The following NRXN3 variants were observed in gnomAD, a reference collection of about 807,000 sequenced individuals.
NRXN3 encodes the protein neurexin III.
A neutral mutation model predicts 137.6 loss-of-function variants in NRXN3; 32 were observed. That is an observed-to-expected ratio of 0.23 (90% CI 0.18 to 0.31). NRXN3 has a LOEUF of 0.31. NRXN3 is among the 10% of genes least tolerant of loss of function. The pLI, the probability that NRXN3 is intolerant of heterozygous loss-of-function variation, is 1.00. For synonymous variants in NRXN3, 798 were observed against 784.5 expected, an observed-to-expected ratio of 1.02 and a Z score of -0.29; for missense variants, 1,574 against 2,062.5, an observed-to-expected ratio of 0.76 and a Z score of 4.59.
intron 1 of NRXN3, among the ~76,000 whole-genome samples, chr14:78,219,535 T>C (rs2063620770): frequency 6.6e-6 from 1 of 152,232 alleles, no homozygotes; most frequent in African/African-American, 2.4e-5. Flanking sequence ...GCCCTGCCTC[T>C]TAGCTGTGTG....
At chr14:79,262,654 T>G (rs1219095966) in intron 15 of NRXN3, among the ~76,000 whole-genome samples, 1 of 152,184 alleles carries the variant, frequency 6.6e-6, no homozygotes, top group Non-Finnish European at 1.5e-5. Context: ...AATGTTGAAG[T>G]GCATATTTAT....
chr14:78,346,074 C>T (rs60262994), intron 4 of NRXN3, among the ~76,000 whole-genome samples: 5,467 of 152,258 alleles, frequency 0.036, 277 homozygotes, highest in African/African-American at 0.12. Flanking sequence ...GGTGCTGGCT[C>T]AGCAACAGGG....
chr14:79,115,057 G>C (rs59502714), intron 15 of NRXN3, among the ~76,000 whole-genome samples: 31,342 of 152,048 alleles, frequency 0.21, 3,605 homozygotes, highest in Admixed American at 0.36. Context: ...CAGGCACGGT[G>C]GCTCACGCCT....
chr14:78,374,248 TG>T (rs1192764926), intron 4 of NRXN3, among the ~76,000 whole-genome samples: 3 of 152,224 alleles, frequency 2.0e-5, no homozygotes, highest in African/African-American at 7.2e-5. Context: ...GAAGTGTTTA[TG>T]TGCCTAAGTG....
intron 15 of NRXN3, among the ~76,000 whole-genome samples, chr14:79,207,459 G>T (rs980776281): frequency 1.1e-4 from 17 of 152,184 alleles, no homozygotes; most frequent in African/African-American, 3.1e-4. Context: ...GGAAAATGAG[G>T]CTGTCCCTTC....
chr14:78,680,502 C>A (rs1057208862), intron 6 of NRXN3, among the ~76,000 whole-genome samples: 6 of 152,186 alleles, frequency 3.9e-5, no homozygotes, highest in Non-Finnish European at 8.8e-5. Flanking sequence ...GGATTGGCTG[C>A]ACTTGAAATA....
In NRXN3 at chr14:78,943,614, AAAAAAAAATATATATAT is replaced by A. The variant is rs1306271190; in HGVS notation, c.2276-13626_2276-13610del. Among the ~76,000 whole-genome samples the A allele has an allele frequency of 1.7e-3, 77 of 44,150 alleles. 3 individuals carry two copies. The highest frequency in any genetic ancestry group is 8.1e-3 in the South Asian group (8 of 988). The allele number at this position is 44,150 out of a possible 152,430, so 29.0% of individuals were successfully genotyped here. On this transcript the variant is annotated intron_variant, in intron 10 of 20. Coordinates refer to ENST00000335750, the MANE Select transcript of NRXN3 (RefSeq NM_001330195.2). ...GAAAAGAAGCAAGATCACTGTTAAA[AAAAAAAAATATATATAT>A]ATATATATATATATATATATATATA...
chr14:79,102,969 C>G (rs1180102110), intron 15 of NRXN3, among the ~76,000 whole-genome samples: 1 of 152,096 alleles, frequency 6.6e-6, no homozygotes, highest in Admixed American at 6.6e-5. Flanking sequence ...ATTGTCTTGT[C>G]AGGTCTGAGA....
Position 79,861,268 on chromosome 14 carries a change from A to G in NRXN3, c.4094-74A>G. 6.5e-7 allele frequency: 1 copy of G among 1,536,072 alleles called. No individual in the cohort carries two copies. Among genetic ancestry groups the G allele is most frequent in the Non-Finnish European group, 8.7e-7 (1 of 1,146,880 alleles). On this transcript the variant is annotated intron_variant, in intron 20 of 20. Transcript: ENST00000335750. This position sits in a 1 kb window ranked among gnomAD's most constrained non-coding sequence, Gnocchi z 5.4. ...GCTTGGTGATATCTGGGTATGGCTC[A>G]GGGGAAACCTTTGACTCTAACCTGC...
chr14:78,754,705 T>C (rs2098659588), intron 8 of NRXN3, among the ~76,000 whole-genome samples: 1 of 152,188 alleles, frequency 6.6e-6, no homozygotes, highest in South Asian at 2.1e-4. Context: ...GTAGAAATTT[T>C]CCCACTCCAC....
chr14:78,979,671 C>A (rs1053281370), intron 14 of NRXN3, among the ~76,000 whole-genome samples: 2 of 152,010 alleles, frequency 1.3e-5, no homozygotes, highest in Non-Finnish European at 2.9e-5. Flanking sequence ...AAAATATACC[C>A]AAGACTGAGT....
intron 15 of NRXN3, among the ~76,000 whole-genome samples, chr14:79,171,726 A>G (rs1035897450): frequency 6.6e-6 from 1 of 152,170 alleles, no homozygotes; most frequent in Non-Finnish European, 1.5e-5. Context: ...TGTTGAAAAT[A>G]TATGGGGAAA....
intron 15 of NRXN3, among the ~76,000 whole-genome samples, chr14:79,180,913 A>G (rs914318786): frequency 6.6e-6 from 1 of 152,122 alleles, no homozygotes; most frequent in South Asian, 2.1e-4. Context: ...GATACTGTGA[A>G]ATATGGTCAG....
At chr14:78,967,550 A>AT (rs1012022727) in intron 13 of NRXN3, 152 bp downstream of exon 13, 13 of 630,696 alleles carry the variant, frequency 2.1e-5, no homozygotes, top group African/African-American at 1.1e-4. Context: ...CTGTAATGCA[A>AT]TTTTTTCCGT....
intron 4 of NRXN3, among the ~76,000 whole-genome samples, chr14:78,581,785 A>G (rs987492450): frequency 2.0e-5 from 3 of 152,306 alleles, no homozygotes; most frequent in South Asian, 2.1e-4. Flanking sequence ...TGGACCCCAT[A>G]TAATAGCTTA....
At chr14:78,384,446 C>A (rs948258737) in intron 4 of NRXN3, among the ~76,000 whole-genome samples, 3 of 152,140 alleles carry the variant, frequency 2.0e-5, no homozygotes, top group African/African-American at 4.8e-5. Flanking sequence ...ATGGATAAAT[C>A]ATTTCATATT....
intron 1 of NRXN3, among the ~76,000 whole-genome samples, chr14:78,236,733 C>CT (rs1171674569): frequency 2.1e-5 from 3 of 143,156 alleles, no homozygotes; most frequent in Non-Finnish European, 3.1e-5. Context: ...TATTATTCCC[C>CT]CCCCCCTTTT....
intron 10 of NRXN3, among the ~76,000 whole-genome samples, chr14:78,875,920 C>T (rs935893817): frequency 1.3e-5 from 2 of 152,144 alleles, no homozygotes; most frequent in Non-Finnish European, 2.9e-5. Context: ...AACTACTCCC[C>T]TTGTATTCTT....
intron 19 of NRXN3, among the ~76,000 whole-genome samples, chr14:79,747,377 G>GA (rs2098982896): frequency 6.6e-6 from 1 of 152,000 alleles, no homozygotes; most frequent in Non-Finnish European, 1.5e-5. Context: ...ATGGCTGTTG[G>GA]AAAAAAGTAG....
Sources: gnomAD v4.1 joint callset for allele counts (sites outside exome capture counted in the v4.1 genomes callset) on GRCh38, gnomAD v4.1.1 for gene constraint, Gnocchi (gnomAD v3.1) non-coding constraint, MANE v1.5 for transcripts, NCBI Gene and HGNC (gene_info 2026-07-23, HGNC 2026-07-21) for gene names.